EPHA7: variants seen among roughly 807,000 people sequenced by gnomAD.
EPHA7 encodes the protein ephrin type-A receptor 7.
Under a neutral mutation model 112.6 loss-of-function variants are expected in EPHA7, and 25 were observed. The ratio of observed to expected loss-of-function variants is 0.22; its 90% CI spans 0.16 to 0.31. The LOEUF (loss-of-function observed/expected upper bound fraction) is 0.31, where lower values mean the gene tolerates loss of function less well. Ranked by LOEUF, EPHA7 falls within the 10% of genes least tolerant of loss-of-function variation. EPHA7 has a pLI of 1.00. For missense variants in EPHA7, 962 were observed against 1,212.6 expected (o/e 0.79, Z 3.07); for synonymous variants, 437 against 406.5 (o/e 1.07, Z -0.90).
At chr6:93,346,919 A>G in intron 5 of EPHA7, among the ~76,000 whole-genome samples, 1 of 151,836 alleles carries the variant, frequency 6.6e-6, no homozygotes, top group Non-Finnish European at 1.5e-5. Context: ...ATGAATATTC[A>G]GCTTACTTAC....
chr6:93,283,426 C>G (rs556802079), intron 5 of EPHA7, among the ~76,000 whole-genome samples: 2 of 152,224 alleles, frequency 1.3e-5, no homozygotes, highest in South Asian at 2.1e-4. Flanking sequence ...CCCTTCCACA[C>G]TGTGGAAGCT....
At chr6:93,345,880 C>T (rs1775381347) in intron 5 of EPHA7, among the ~76,000 whole-genome samples, 1 of 151,596 alleles carries the variant, frequency 6.6e-6, no homozygotes. Context: ...CATCATTCCA[C>T]CAGATTGCTT....
At chr6:93,301,248 T>G (rs537914327) in intron 5 of EPHA7, among the ~76,000 whole-genome samples, 8 of 152,208 alleles carry the variant, frequency 5.3e-5, no homozygotes, top group Non-Finnish European at 1.2e-4. Flanking sequence ...ATATCTCATA[T>G]TTGTACATAT....
rs201527894 is a variant in EPHA7 at position 93,289,823 on chromosome 6, TAAAAC to T, written c.1325-17406_1325-17402del. Among the ~76,000 whole-genome samples the T allele has an allele frequency of 1.4e-3, 210 of 152,262 alleles. 3 individuals carry two copies. In the East Asian group the frequency reaches 0.035, roughly 26 times the overall value. On this transcript the variant is annotated intron_variant, in intron 5 of 16. Coordinates refer to ENST00000369303, the MANE Select transcript of EPHA7 (RefSeq NM_004440.4). ...TGGTTACATATAACACACTTACTAATAAAACAAAGCCCATCAAAATGATAGTGTCA... is the reference window on the plus strand; with the variant it reads ...TGGTTACATATAACACACTTACTAATAAAGCCCATCAAAATGATAGTGTCA...
At chr6:93,309,814 T>C (rs1005760646) in intron 5 of EPHA7, among the ~76,000 whole-genome samples, 1 of 152,180 alleles carries the variant, frequency 6.6e-6, no homozygotes, top group Admixed American at 6.5e-5. Context: ...TTAAAGGCCA[T>C]GAGTAGTTGC....
At chr6:93,269,974 G>A (rs987323565) in intron 6 of EPHA7, among the ~76,000 whole-genome samples, 1 of 151,486 alleles carries the variant, frequency 6.6e-6, no homozygotes, top group Admixed American at 6.6e-5. Flanking sequence ...TCAAACAGTG[G>A]GTACACCTGT....
chr6:93,283,538 T>G (rs1771885511), intron 5 of EPHA7, among the ~76,000 whole-genome samples: 1 of 151,958 alleles, frequency 6.6e-6, no homozygotes, highest in Admixed American at 6.5e-5. Context: ...GCTTCACTCC[T>G]GAAGCCAGCA....
At chr6:93,393,331 T>C (rs1778000582) in intron 3 of EPHA7, among the ~76,000 whole-genome samples, 2 of 151,908 alleles carry the variant, frequency 1.3e-5, no homozygotes, top group South Asian at 4.1e-4. Context: ...ATCAGTATCA[T>C]ATGTAAATAC....
chr6:93,293,514 T>TTC (rs1484781809), intron 5 of EPHA7, among the ~76,000 whole-genome samples: 53 of 152,314 alleles, frequency 3.5e-4, no homozygotes, highest in African/African-American at 1.2e-3. Flanking sequence ...GGAATCCTGT[T>TTC]TTTCTTTGAC....
chr6:93,290,168 A>G (rs1249883867), intron 5 of EPHA7, among the ~76,000 whole-genome samples: 4 of 152,024 alleles, frequency 2.6e-5, no homozygotes, highest in African/African-American at 4.8e-5. Context: ...AAAGTTCTTC[A>G]TATTTATAGT....
intron 16 of EPHA7, among the ~76,000 whole-genome samples, chr6:93,244,479 T>G (rs1769855383): frequency 6.6e-6 from 1 of 152,138 alleles, no homozygotes; most frequent in Non-Finnish European, 1.5e-5. Flanking sequence ...GATTATTGTT[T>G]TCCATTTTCA....
chr6:93,325,034 A>C (rs1267926696), intron 5 of EPHA7, among the ~76,000 whole-genome samples: 1 of 151,292 alleles, frequency 6.6e-6, no homozygotes, highest in Non-Finnish European at 1.5e-5. Flanking sequence ...GGGGTTATGT[A>C]GTATAAAAAA....
At chr6:93,401,057 A>G (rs1778417097) in intron 3 of EPHA7, among the ~76,000 whole-genome samples, 1 of 152,070 alleles carries the variant, frequency 6.6e-6, no homozygotes, top group African/African-American at 2.4e-5. Context: ...GTCTGAGGCT[A>G]CCATCACCAC....
chr6:93,337,881 C>T (rs907381589), intron 5 of EPHA7, among the ~76,000 whole-genome samples: 2 of 152,004 alleles, frequency 1.3e-5, no homozygotes, highest in Non-Finnish European at 2.9e-5. Context: ...CATATTGTAG[C>T]ATGCTTTTTC....
intron 5 of EPHA7, among the ~76,000 whole-genome samples, chr6:93,304,024 C>T (rs1003496466): frequency 1.3e-5 from 2 of 152,046 alleles, no homozygotes; most frequent in African/African-American, 4.8e-5. Flanking sequence ...TTGTTAAAGA[C>T]AGCCTTCACT....
intron 3 of EPHA7, among the ~76,000 whole-genome samples, chr6:93,373,229 CAA>C (rs1158425309): frequency 8.6e-5 from 13 of 151,936 alleles, no homozygotes; most frequent in Non-Finnish European, 1.8e-4. Context: ...AAAATAATCA[CAA>C]ATTCTACTTT....
In EPHA7 at chr6:93,246,694, C is replaced by T. The variant is rs544798489; in HGVS notation, c.2726+98G>A. ...TTTAATATGAGTTTATACGTCAACA[C>T]AAAAGTCAATTTGCCATTGTGGTGG... On this transcript the variant is annotated intron_variant, in intron 15 of 16. Transcript: ENST00000369303. The T allele has an allele frequency of 5.5e-4, 594 of 1,076,662 alleles. 3 individuals carry two copies. In the South Asian group the frequency reaches 9.8e-3, roughly 18 times the overall value. The allele number at this position is 1,076,662 out of a possible 1,614,324, so 66.7% of individuals were successfully genotyped here.
chr6:93,314,865 T>TCA (rs1773718577), intron 5 of EPHA7, among the ~76,000 whole-genome samples: 1 of 139,958 alleles, frequency 7.1e-6, no homozygotes, highest in African/African-American at 2.7e-5. Context: ...TTTCTTTTTT[T>TCA]TTTTTTTTTT....
chr6:93,344,615 T>G (rs351327), intron 5 of EPHA7, among the ~76,000 whole-genome samples: 27,380 of 151,554 alleles, frequency 0.18, 3,865 homozygotes, highest in African/African-American at 0.39. Context: ...TTGACCATGG[T>G]AAACATCATT....
Sources: allele counts gnomAD v4.1 joint callset (sites outside exome capture counted in the v4.1 genomes callset), GRCh38; gene constraint gnomAD v4.1.1; transcripts MANE v1.5; gene names NCBI Gene and HGNC (gene_info 2026-07-23, HGNC 2026-07-21).